The following KCNJ3 variants were observed in gnomAD, a reference collection of about 807,000 sequenced individuals.
KCNJ3 encodes the protein potassium inwardly rectifying channel subfamily J member 3.
Under a neutral mutation model 39.2 loss-of-function variants are expected in KCNJ3, and 4 were observed. That is an observed-to-expected ratio of 0.10 (90% CI 0.05 to 0.23). The LOEUF (loss-of-function observed/expected upper bound fraction) is 0.23, where lower values mean the gene tolerates loss of function less well. KCNJ3 is among the 10% of genes least tolerant of loss of function. The pLI is 1.00. For missense variants in KCNJ3, 276 were observed against 634.9 expected, an observed-to-expected ratio of 0.43 and a Z score of 6.08; for synonymous variants, 230 against 237.4, an observed-to-expected ratio of 0.97 and a Z score of 0.29.
At chr2:154,803,916 G>GA (rs1263953890) in intron 2 of KCNJ3, among the ~76,000 whole-genome samples, 1 of 151,914 alleles carries the variant, frequency 6.6e-6, no homozygotes, top group Non-Finnish European at 1.5e-5. Context: ...TGAACTGAAG[G>GA]AAAAAATTTA....
intron 2 of KCNJ3, among the ~76,000 whole-genome samples, chr2:154,851,682 T>C (rs1687758813): frequency 6.6e-6 from 1 of 152,216 alleles, no homozygotes; most frequent in Non-Finnish European, 1.5e-5. Flanking sequence ...TTTTATCTAG[T>C]AAAATAGATT....
chr2:154,716,266 C>A (rs922914946), intron 2 of KCNJ3, among the ~76,000 whole-genome samples: 4 of 137,334 alleles, frequency 2.9e-5, no homozygotes, highest in African/African-American at 1.0e-4. Flanking sequence ...CCTGCCACCA[C>A]GGCCGGCTAA....
intron 2 of KCNJ3, among the ~76,000 whole-genome samples, chr2:154,843,838 C>G (rs959862614): frequency 5.3e-5 from 8 of 152,116 alleles, no homozygotes; most frequent in Admixed American, 2.0e-4. Flanking sequence ...AGCCATTCGT[C>G]TAATCTTTCT....
chr2:154,842,410 T>C (rs991523792), intron 2 of KCNJ3, among the ~76,000 whole-genome samples: 2 of 152,186 alleles, frequency 1.3e-5, no homozygotes, highest in Non-Finnish European at 2.9e-5. Context: ...GAAGAATGTA[T>C]ATTCTGTTTA....
intron 2 of KCNJ3, among the ~76,000 whole-genome samples, chr2:154,829,896 A>T (rs1476209059): frequency 6.6e-6 from 1 of 152,122 alleles, no homozygotes; most frequent in Non-Finnish European, 1.5e-5. Context: ...GATGTTGAGC[A>T]CTTTTTATAT....
chr2:154,811,132 C>T (rs182649238), intron 2 of KCNJ3, among the ~76,000 whole-genome samples: 1 of 152,232 alleles, frequency 6.6e-6, no homozygotes, highest in East Asian at 1.9e-4. Flanking sequence ...CTGGGAAAAT[C>T]AGGATGTACA....
intron 2 of KCNJ3, among the ~76,000 whole-genome samples, chr2:154,846,997 A>C (rs1687674501): frequency 6.6e-6 from 1 of 152,164 alleles, no homozygotes; most frequent in South Asian, 2.1e-4. Flanking sequence ...CTTGTAAATA[A>C]TAGAGGATAA....
intron 2 of KCNJ3, among the ~76,000 whole-genome samples, chr2:154,802,663 T>A (rs1229019647): frequency 6.6e-6 from 1 of 152,144 alleles, no homozygotes; most frequent in Non-Finnish European, 1.5e-5. Context: ...ATATACATAA[T>A]AACTCATGGC....
intron 2 of KCNJ3, among the ~76,000 whole-genome samples, chr2:154,726,134 T>A (rs1244452697): frequency 6.6e-6 from 1 of 151,974 alleles, no homozygotes; most frequent in African/African-American, 2.4e-5. Flanking sequence ...CCAAAAAACT[T>A]CTTCTGCACA....
intron 2 of KCNJ3, among the ~76,000 whole-genome samples, chr2:154,833,669 A>G (rs953567510): frequency 7.2e-5 from 11 of 152,206 alleles, no homozygotes; most frequent in African/African-American, 2.7e-4. Flanking sequence ...CCACTGCCCT[A>G]AAAATCTCTG....
chr2:154,784,656 T>C (rs6756506), intron 2 of KCNJ3, among the ~76,000 whole-genome samples: 62,228 of 151,880 alleles, frequency 0.41, 13,258 homozygotes, highest in African/African-American at 0.45. Context: ...GCTGGGATTA[T>C]AGACATGAGC....
Position 154,764,121 on chromosome 2 carries a change from G to A in KCNJ3, c.919+54302G>A, listed in dbSNP as rs10497143. ...AATGTTAGTTGTCAGCTTACTACAT[G>A]ATTGAATTTCTTAAGCACGAAAAGT... is the stretch of plus-strand genomic sequence containing the variant. On this transcript the variant is annotated intron_variant, in intron 2 of 2. Transcript: ENST00000295101. Among the ~76,000 whole-genome samples the A allele has an allele frequency of 1.3e-5, 2 of 152,152 alleles. 1 individual carries two copies. Among genetic ancestry groups the A allele is most frequent in the South Asian group, 4.1e-4 (2 of 4,830 alleles).
intron 2 of KCNJ3, among the ~76,000 whole-genome samples, chr2:154,822,180 C>T (rs543611084): frequency 7.9e-5 from 12 of 152,166 alleles, no homozygotes; most frequent in Admixed American, 1.3e-4. Flanking sequence ...TATTTTCAGA[C>T]GTTTACAAAT....
At chr2:154,838,709 T>C (rs1049468883) in intron 2 of KCNJ3, among the ~76,000 whole-genome samples, 1 of 137,358 alleles carries the variant, frequency 7.3e-6, no homozygotes, top group Non-Finnish European at 1.6e-5. Context: ...AAATGTAACA[T>C]TGTAAAGCAT....
At position 154,818,918 on chromosome 2, in the gene KCNJ3, C is replaced by CTTTTTTTTTTTTTTTTT. The variant is rs57668487; in HGVS notation, c.920-35793_920-35777dup. Among the ~76,000 whole-genome samples, 17 of 52,436 alleles carry CTTTTTTTTTTTTTTTTT rather than the reference C, an allele frequency of 3.2e-4. 1 individual carries two copies. The highest frequency in any genetic ancestry group is 3.7e-4 in the Admixed American group (1 of 2,734). 34.4% of individuals were successfully genotyped at this position (52,436 alleles called of 152,430 possible). On this transcript the variant is annotated intron_variant, in intron 2 of 2. Coordinates refer to ENST00000295101, the MANE Select transcript of KCNJ3 (RefSeq NM_002239.4). ...GAGCTTGAGCTGTAGCTGCAAAAGC[C>CTTTTTTTTTTTTTTTTT]TTTTTTTTTTTTTTTTTTTTTTTTT...
intron 2 of KCNJ3, among the ~76,000 whole-genome samples, chr2:154,816,545 C>T (rs1687085501): frequency 6.6e-6 from 1 of 152,094 alleles, no homozygotes; most frequent in Admixed American, 6.5e-5. Context: ...GGCTTGTGAA[C>T]TGGTGAAAAC....
At position 154,762,709 on chromosome 2, in the gene KCNJ3, T is replaced by C. The variant is rs549308752; in HGVS notation, c.919+52890T>C. On this transcript the variant is annotated intron_variant, in intron 2 of 2. Transcript: ENST00000295101. ...TACAAAATAATATGGTAAGAGGAACTCCACTCCCTGGGGCCCACATGAAGG... is the reference window on the plus strand; with the variant it reads ...TACAAAATAATATGGTAAGAGGAACCCCACTCCCTGGGGCCCACATGAAGG... Among the ~76,000 whole-genome samples the C allele has an allele frequency of 5.9e-5, 9 of 152,230 alleles. No individual in the cohort carries two copies. In the South Asian group the frequency reaches 1.7e-3, roughly 28 times the overall value.
At chr2:154,781,722 A>G (rs1457346223) in intron 2 of KCNJ3, among the ~76,000 whole-genome samples, 1 of 152,194 alleles carries the variant, frequency 6.6e-6, no homozygotes, top group African/African-American at 2.4e-5. Context: ...ATATTTAGGT[A>G]CTTTTTACTT....
chr2:154,757,432 C>A (rs1470658628), intron 2 of KCNJ3, among the ~76,000 whole-genome samples: 2 of 152,094 alleles, frequency 1.3e-5, no homozygotes, highest in African/African-American at 4.8e-5. Flanking sequence ...ACAATTTTTA[C>A]TCAACTAAAT....
Sources: allele counts gnomAD v4.1 joint callset (sites outside exome capture counted in the v4.1 genomes callset), GRCh38; gene constraint gnomAD v4.1.1; transcripts MANE v1.5; gene names NCBI Gene and HGNC (gene_info 2026-07-23, HGNC 2026-07-21).